CSMD1: variants seen among roughly 807,000 people sequenced by gnomAD.
CSMD1 encodes the protein CUB and sushi domain-containing protein 1.
In CSMD1, 213 loss-of-function variants were observed where a neutral mutation model predicts 417.5. That is an observed-to-expected ratio of 0.51 (90% confidence interval 0.46 to 0.57). The LOEUF (loss-of-function observed/expected upper bound fraction) is 0.57, where lower values mean the gene tolerates loss of function less well. Among genes scored for constraint, CSMD1 ranks in the 20% least tolerant of loss-of-function variants. CSMD1 has a pLI of 0.00. For missense variants in CSMD1, 6,923 were observed against 4,529.7 expected (o/e 1.53, Z -15.17); for synonymous variants, 2,862 against 1,736.8 (o/e 1.65, Z -16.11).
chr8:4,342,631 T>C (rs945761480), intron 3 of CSMD1, among the ~76,000 whole-genome samples: 1 of 151,892 alleles, frequency 6.6e-6, no homozygotes. Context: ...CATGCAGACA[T>C]TCTTTATTTA....
At chr8:3,337,790 T>C (rs1807368424) in intron 23 of CSMD1, among the ~76,000 whole-genome samples, 1 of 152,182 alleles carries the variant, frequency 6.6e-6, no homozygotes, top group South Asian at 2.1e-4. Flanking sequence ...GATCTGATTA[T>C]TTTATGAGTC....
rs1803999996 is a variant in CSMD1, at chr8:4,652,909, G to T, written c.86-15351C>A. Among the ~76,000 whole-genome samples, 4 of 151,372 alleles carry T rather than the reference G, an allele frequency of 2.6e-5. No homozygotes were observed. The South Asian group carries it at 6.2e-4, about 24-fold the overall frequency. Reference sequence around the variant, plus strand: ...AAGAATCTAACGCCGCTGCTGATGTGGTGGGGTGGAGTTCAGGTGGTAATG... The same window carrying T: ...AAGAATCTAACGCCGCTGCTGATGTTGTGGGGTGGAGTTCAGGTGGTAATG... On this transcript the variant is annotated intron_variant, in intron 1 of 69. Transcript: ENST00000635120.
chr8:3,790,994 T>G (rs916858167), intron 5 of CSMD1, among the ~76,000 whole-genome samples: 3 of 152,168 alleles, frequency 2.0e-5, no homozygotes, highest in African/African-American at 7.2e-5. Flanking sequence ...TATAGGCAAA[T>G]GGAATGCAAC....
At chr8:3,731,322 T>C (rs926958851) in intron 6 of CSMD1, among the ~76,000 whole-genome samples, 1 of 152,176 alleles carries the variant, frequency 6.6e-6, no homozygotes, top group African/African-American at 2.4e-5. Context: ...TGAATGCCTC[T>C]CTTGAAAGAA....
chr8:3,611,025 T>G (rs1272277009), intron 8 of CSMD1, among the ~76,000 whole-genome samples: 1 of 133,802 alleles, frequency 7.5e-6, no homozygotes, highest in Non-Finnish European at 1.5e-5. Flanking sequence ...AGGTGGGAAC[T>G]GAACAATGAG....
chr8:3,774,824 C>T (rs1798811863), intron 5 of CSMD1, among the ~76,000 whole-genome samples: 1 of 152,146 alleles, frequency 6.6e-6, no homozygotes. Context: ...CCGTCATTCT[C>T]AAGGGATACA....
At chr8:4,556,021 C>G (rs1311567210) in intron 2 of CSMD1, among the ~76,000 whole-genome samples, 1 of 151,874 alleles carries the variant, frequency 6.6e-6, no homozygotes, top group South Asian at 2.1e-4. Flanking sequence ...AAATGCTTCC[C>G]TTATACTCAA....
intron 30 of CSMD1, among the ~76,000 whole-genome samples, chr8:3,212,831 CTTT>C (rs35152655): frequency 2.2e-5 from 3 of 138,560 alleles, no homozygotes; most frequent in Admixed American, 7.2e-5. Context: ...TTCTTATATA[CTTT>C]TTTTTTTTTT....
chr8:4,700,590 T>A (rs1253167700), intron 1 of CSMD1, among the ~76,000 whole-genome samples: 1 of 152,062 alleles, frequency 6.6e-6, no homozygotes, highest in Non-Finnish European at 1.5e-5. Flanking sequence ...TCTCAATTAG[T>A]GAAATAATTG....
chr8:3,278,504 C>T, intron 26 of CSMD1: 1 of 152,140 alleles, frequency 6.6e-6, no homozygotes, highest in East Asian at 1.9e-4. Context: ...ACAATGGCCA[C>T]ACTTAAAACA....
chr8:3,824,401 C>A (rs180723675), intron 5 of CSMD1, among the ~76,000 whole-genome samples: 9 of 152,296 alleles, frequency 5.9e-5, no homozygotes, highest in African/African-American at 2.2e-4. Context: ...TGGCAAAGCT[C>A]CCAATGGGAA....
intron 2 of CSMD1, among the ~76,000 whole-genome samples, chr8:4,600,049 C>G (rs1800501160): frequency 6.6e-6 from 1 of 152,174 alleles, no homozygotes; most frequent in East Asian, 1.9e-4. Flanking sequence ...TAGGTACCCA[C>G]CAATGGCTTG....
intron 5 of CSMD1, among the ~76,000 whole-genome samples, chr8:3,814,147 T>C (rs1801240905): frequency 6.6e-6 from 1 of 152,312 alleles, no homozygotes; most frequent in South Asian, 2.1e-4. Context: ...CAGCCCCAGA[T>C]TCTGGTACCC....
chr8:3,323,940 G>C (rs374216148), intron 23 of CSMD1, among the ~76,000 whole-genome samples: 3 of 134,068 alleles, frequency 2.2e-5, no homozygotes, highest in Non-Finnish European at 4.7e-5. Flanking sequence ...TAACCCCAGA[G>C]ACCCAGGAGG....
chr8:4,737,169 G>C (rs1203842524), intron 1 of CSMD1, among the ~76,000 whole-genome samples: 1 of 152,110 alleles, frequency 6.6e-6, no homozygotes, highest in Non-Finnish European at 1.5e-5. Flanking sequence ...AAAAGAATGA[G>C]ATCATGTCCT....
At chr8:3,078,476 G>C (rs1322127745) in intron 49 of CSMD1, among the ~76,000 whole-genome samples, 2 of 152,198 alleles carry the variant, frequency 1.3e-5, no homozygotes, top group Non-Finnish European at 2.9e-5. Flanking sequence ...ACTGCAGAAA[G>C]TAACTGATAT....
At chr8:4,289,881 G>A (rs760461907) in intron 3 of CSMD1, among the ~76,000 whole-genome samples, 2 of 152,176 alleles carry the variant, frequency 1.3e-5, no homozygotes, top group Non-Finnish European at 2.9e-5. Context: ...AACAAGAAAT[G>A]AAAACAGGAA....
intron 10 of CSMD1, among the ~76,000 whole-genome samples, chr8:3,568,115 A>T (rs1183352934): frequency 6.6e-6 from 1 of 152,204 alleles, no homozygotes; most frequent in East Asian, 1.9e-4. Context: ...TAAATATATA[A>T]TAAAACAAAC....
At chr8:2,969,799 T>G (rs895665757) in intron 57 of CSMD1, among the ~76,000 whole-genome samples, 7 of 152,168 alleles carry the variant, frequency 4.6e-5, no homozygotes, top group African/African-American at 1.7e-4. Context: ...GTATTTCAAA[T>G]TTTTGCTGGT....
Sources: gnomAD v4.1 joint callset for allele counts (sites outside exome capture counted in the v4.1 genomes callset) on GRCh38, gnomAD v4.1.1 for gene constraint, MANE v1.5 for transcripts, NCBI Gene and HGNC (gene_info 2026-07-23, HGNC 2026-07-21) for gene names.